ETV7: variants seen among roughly 807,000 people sequenced by gnomAD.
The protein encoded by ETV7 is transcription factor ETV7.
Under a neutral mutation model 39.1 loss-of-function variants are expected in ETV7, and 43 were observed. The observed-to-expected ratio is 1.10, with a 90% CI of 0.86 to 1.42. The LOEUF (loss-of-function observed/expected upper bound fraction) is 1.42, where lower values mean the gene tolerates loss of function less well. ETV7 is among the 40% of genes most tolerant of loss of function. The pLI is 0.00. For missense variants in ETV7, 432 were observed against 442.3 expected, an observed-to-expected ratio of 0.98 and a Z score of 0.21; for synonymous variants, 196 against 176.6, an observed-to-expected ratio of 1.11 and a Z score of -0.87.
downstream of ETV7, among the ~76,000 whole-genome samples, chr6:36,364,086 C>T (rs1221563779): frequency 1.3e-5 from 2 of 152,224 alleles, no homozygotes; most frequent in Non-Finnish European, 2.9e-5. Context: ...ATACAGAGTG[C>T]CGATTGGTGT....
chr6:36,370,826 C>T (rs953513039), intron 5 of ETV7, among the ~76,000 whole-genome samples: 14 of 152,174 alleles, frequency 9.2e-5, no homozygotes, highest in African/African-American at 3.1e-4. Flanking sequence ...ATTTGGTTAG[C>T]GCTCAGGATC....
At position 36,373,525 on chromosome 6, in the gene ETV7, C is replaced by T. The variant is rs1773147334; in HGVS notation, c.361G>A (p.Val121Met). The change falls in exon 4 of 8, where the codon GTG becomes ATG. Residue 121 changes from valine (V) to methionine (M), a missense_variant. Transcript: ENST00000340181. The stretch of plus-strand genomic sequence containing the variant: ...ATCCCTCCAAAAAAGGGCCCACACA[C>T]CAGGGCTCGCCGCTGGGTCTTGATG... Reference protein sequence around the residue: ...QYIKTQRRALVCGPFFGGIFR... With the variant: ...QYIKTQRRALMCGPFFGGIFR... The T allele has an allele frequency of 6.4e-7, 1 of 1,553,762 alleles. No homozygotes were observed. Among genetic ancestry groups the T allele is most frequent in the Admixed American group, 1.9e-5 (1 of 51,286 alleles).
intron 7 of ETV7, among the ~76,000 whole-genome samples, chr6:36,360,184 C>T (rs910791558): frequency 3.3e-5 from 5 of 152,314 alleles, no homozygotes; most frequent in African/African-American, 1.2e-4. Flanking sequence ...AGCCACTGCA[C>T]CCGGCCAGTC....
chr6:36,386,122 G>C (rs955589273), intron 1 of ETV7, among the ~76,000 whole-genome samples: 9 of 152,192 alleles, frequency 5.9e-5, no homozygotes, highest in African/African-American at 2.2e-4. Context: ...GAGGTCAGGA[G>C]TTTGAGACCA....
intron 5 of ETV7, 66 bp downstream of exon 5, chr6:36,371,264 C>T (rs1296104128): frequency 1.9e-5 from 28 of 1,445,098 alleles, no homozygotes; most frequent in Non-Finnish European, 2.6e-5. Flanking sequence ...CTGTCCTCAT[C>T]ACTCGTGACT....
intron 7 of ETV7, among the ~76,000 whole-genome samples, chr6:36,361,004 T>G (rs1256369878): frequency 6.6e-6 from 1 of 152,202 alleles, no homozygotes; most frequent in Non-Finnish European, 1.5e-5. Context: ...CTGTTTCCCC[T>G]ACTTCTGTGC....
At chr6:36,385,493 T>C (rs1773850565) in intron 2 of ETV7, 41 bp downstream of exon 2, 1 of 1,598,740 alleles carries the variant, frequency 6.3e-7, no homozygotes, top group Non-Finnish European at 8.5e-7. Flanking sequence ...AAATAAAAAT[T>C]TACTTTTAAA....
chr6:36,362,645 C>G (rs183526703), downstream of ETV7, among the ~76,000 whole-genome samples: 5 of 152,292 alleles, frequency 3.3e-5, no homozygotes, highest in Non-Finnish European at 7.4e-5. Flanking sequence ...TCCAGGCACC[C>G]AGGGGTCCAT....
intron 3 of ETV7, 67 bp downstream of exon 3, chr6:36,375,804 G>C (rs778002694): frequency 2.5e-5 from 40 of 1,609,270 alleles, no homozygotes; most frequent in Admixed American, 5.0e-5. Flanking sequence ...GGGCCCCCCG[G>C]GGGTACTTGG....
At chr6:36,377,529 T>C (rs991641533) in intron 2 of ETV7, among the ~76,000 whole-genome samples, 1 of 152,148 alleles carries the variant, frequency 6.6e-6, no homozygotes, top group African/African-American at 2.4e-5. Flanking sequence ...CTCACTGGGT[T>C]CAGTTCTACA....
chr6:36,387,033 GGGTCT>G (rs1773939763), intron 1 of ETV7: 1 of 185,096 alleles, frequency 5.4e-6, no homozygotes. Flanking sequence ...GGCCAGGGAA[GGGTCT>G]GATAATGGGT....
At chr6:36,375,724 T>G in intron 3 of ETV7, 147 bp downstream of exon 3, 2 of 1,303,208 alleles carry the variant, frequency 1.5e-6, no homozygotes, top group Non-Finnish European at 2.2e-6. Flanking sequence ...TACACACGTA[T>G]GCAGAGGGGC....
chr6:36,356,333 A>C lies in ETV7; in HGVS notation c.909-1646T>G, dbSNP rs537763598. Among the ~76,000 whole-genome samples the C allele has an allele frequency of 2.2e-4, 33 of 151,018 alleles. 1 individual carries two copies. Among genetic ancestry groups the C allele is most frequent in the South Asian group, 1.3e-3 (6 of 4,794 alleles). On this transcript the variant is annotated intron_variant, in intron 7 of 7. Coordinates refer to the ETV7 transcript ENST00000339796. ...AGTGAGACCCTGTCTCAAAAAAAAA[A>C]AAAAAACAAAAAAAAACACAAACAA... is the stretch of plus-strand genomic sequence containing the variant.
rs1030125157 is a variant in ETV7, at chr6:36,366,304, C to T, written c.*341G>A. ...ATTTCACAGGTGAGGAAATCTGAGG[C>T]TCAGTGAGGGACTTCATTCCCTTCA... On this transcript the variant is annotated 3_prime_UTR_variant, in exon 8 of 8. Coordinates refer to ENST00000340181, the MANE Select transcript of ETV7 (RefSeq NM_016135.4). The T allele has an allele frequency of 7.2e-6, 8 of 1,103,536 alleles. No individual in the cohort carries two copies. The highest frequency in any genetic ancestry group is 8.9e-6 in the Non-Finnish European group (8 of 903,374). The allele number at this position is 1,103,536 out of a possible 1,614,324, so 68.4% of individuals were successfully genotyped here.
At chr6:36,357,945 C>T (rs1345584847) in intron 7 of ETV7, among the ~76,000 whole-genome samples, 3 of 152,146 alleles carry the variant, frequency 2.0e-5, no homozygotes, top group Non-Finnish European at 4.4e-5. Context: ...TCCCTACCTG[C>T]GGGCTGGGTG....
chr6:36,381,437 C>T (rs946942588), intron 2 of ETV7, among the ~76,000 whole-genome samples: 1 of 152,146 alleles, frequency 6.6e-6, no homozygotes, highest in Admixed American at 6.5e-5. Context: ...ATAATAAATA[C>T]GGTATGCTCA....
intron 7 of ETV7, among the ~76,000 whole-genome samples, chr6:36,359,596 CT>C (rs1772433536): frequency 6.6e-6 from 1 of 152,198 alleles, no homozygotes; most frequent in African/African-American, 2.4e-5. Context: ...AATTTGGCCC[CT>C]CTCACTTGAT....
exon 8 of ETV7, chr6:36,354,580 A>G (rs565872783): frequency 1.5e-6 from 1 of 680,510 alleles, no homozygotes. Flanking sequence ...AAGTTTCAAA[A>G]TCAGGAAGTG....
At chr6:36,380,294 C>T (rs1008269488) in intron 2 of ETV7, among the ~76,000 whole-genome samples, 4 of 152,160 alleles carry the variant, frequency 2.6e-5, no homozygotes, top group African/African-American at 9.7e-5. Flanking sequence ...AGATCAGCCC[C>T]CGGCCTCTCC....
Sources: gnomAD v4.1 joint callset for allele counts (sites outside exome capture counted in the v4.1 genomes callset) on GRCh38, gnomAD v4.1.1 for gene constraint, MANE v1.5 for transcripts, NCBI Gene and HGNC (gene_info 2026-07-23, HGNC 2026-07-21) for gene names.